The following ZNF311 variants were observed in gnomAD, a reference collection of about 807,000 sequenced individuals.
ZNF311 encodes zinc finger protein zfp31.
Under a neutral mutation model 22.7 loss-of-function variants are expected in ZNF311, and 14 were observed. That is an observed-to-expected ratio of 0.62 (90% confidence interval 0.41 to 0.96). ZNF311 has a LOEUF of 0.96. Ranked by LOEUF, ZNF311 falls within the 40% of genes least tolerant of loss-of-function variation. The probability of loss-of-function intolerance (pLI) is 0.00; values close to 1 mark genes in which losing one functional copy is unlikely to be tolerated. For missense variants in ZNF311, 731 were observed against 799.0 expected (o/e 0.91, Z 1.03); for synonymous variants, 250 against 275.3 (o/e 0.91, Z 0.91).
chr6:29,003,490 C>T (rs771206379), intron 3 of ZNF311, 23 bp downstream of exon 3: 1 of 1,612,006 alleles, frequency 6.2e-7, no homozygotes, highest in South Asian at 1.1e-5. Flanking sequence ...GTGACTCCTG[C>T]CACAATCTCC....
rs1377255427 is a variant in ZNF311 at position 28,995,784 on chromosome 6, T to C, written c.1218A>G (p.Ile406Met). 1 of 1,613,914 alleles carries C rather than the reference T, an allele frequency of 6.2e-7. No individual in the cohort carries two copies. Among genetic ancestry groups the C allele is most frequent in the Admixed American group, 1.7e-5 (1 of 60,010 alleles). ...AAGGTCGTTCCCCAGTGTGGATTCT[T>C]ATGTGTTTGGTGAGGTCTGAACTCC... ...FSGSSDLTKHIRIHTGERPYE... is the reference protein window; with the variant it reads ...FSGSSDLTKHMRIHTGERPYE... Residue 406 changes from isoleucine to methionine, a missense_variant, in exon 7 of 7, where the codon ATA (isoleucine) becomes ATG (methionine). By Grantham distance (10) the Ile-to-Met change is conservative. Transcript: ENST00000377179. The surrounding 1 kb of genome is among the most constrained non-coding windows in gnomAD (Gnocchi z 4.7).
chr6:29,002,270 A>G (rs1395205316), intron 3 of ZNF311, among the ~76,000 whole-genome samples: 1 of 152,246 alleles, frequency 6.6e-6, no homozygotes, highest in East Asian at 1.9e-4. Context: ...AAAATCCACC[A>G]CAGCAGATTT....
chr6:28,995,061 T>C lies in ZNF311; in HGVS notation c.1941A>G (p.Lys647=), dbSNP rs1044042743. The change falls in exon 7 of 7, where the codon AAA becomes AAG. Residue 647 remains lysine, a synonymous_variant. Coordinates refer to ENST00000377179, the MANE Select transcript of ZNF311 (RefSeq NM_001382360.1). The surrounding 1 kb of genome is among the most constrained non-coding windows in gnomAD (Gnocchi z 4.7). The stretch of plus-strand genomic sequence containing the variant: ...GAGAAACAGTCACTGGAGAGAGGGA[T>C]TTCCTACTCCCATCAAGTTCATGGG... The part of the protein sequence containing the change: ...WSTHELDGSR[K]SLSPVTVSQT... The C allele has an allele frequency of 2.5e-6, 4 of 1,613,362 alleles. No homozygotes were observed. The highest frequency in any genetic ancestry group is 3.4e-6 in the Non-Finnish European group (4 of 1,180,036).
At position 28,995,274 on chromosome 6, in the gene ZNF311, G is replaced by T. The variant is rs767427736; in HGVS notation, c.1728C>A (p.Ile576=). 1 of 1,614,082 alleles carries T rather than the reference G, an allele frequency of 6.2e-7. No homozygotes were observed. The highest frequency in any genetic ancestry group is 1.7e-5 in the Admixed American group (1 of 60,026). The part of the protein sequence containing the change: ...HSSVLRQHKR[I]HTGEKPYTCS... ...AGGTGTATGGCTTCTCACCAGTGTGGATTCTTTTGTGCTGCCTCAGGACTG... is the reference window on the plus strand; with the variant it reads ...AGGTGTATGGCTTCTCACCAGTGTGTATTCTTTTGTGCTGCCTCAGGACTG... Residue 576 remains isoleucine, a synonymous_variant, in exon 7 of 7, where the codon ATC becomes ATA. Transcript: ENST00000377179. This position sits in a 1 kb window ranked among gnomAD's most constrained non-coding sequence, Gnocchi z 4.7.
Position 29,003,553 on chromosome 6 carries a change from C to A in ZNF311, c.51G>T (p.Leu17=). The A allele has an allele frequency of 6.2e-7, 1 of 1,613,010 alleles. No homozygotes were observed. Among genetic ancestry groups the A allele is most frequent in the South Asian group, 1.1e-5 (1 of 91,082 alleles). ...LDESSGPPSQ[L]LWTRQDTQLP... The stretch of plus-strand genomic sequence containing the variant: ...GCTGGGTATCCTGGCGGGTCCAAAG[C>A]AGCTGGCTTGGTGGTCCTGAACTCT... The change falls in exon 3 of 7, where the codon CTG becomes CTT. Residue 17 remains leucine (L), a synonymous_variant. Coordinates refer to ENST00000377179, the MANE Select transcript of ZNF311 (RefSeq NM_001382360.1).
At position 28,995,350 on chromosome 6, in the gene ZNF311, C is replaced by G; in HGVS notation, c.1652G>C (p.Gly551Ala). The change falls in exon 7 of 7, where the codon GGA becomes GCA. Residue 551 changes from glycine (G) to alanine (A), a missense_variant. By Grantham distance (60) the Gly-to-Ala change is moderately conservative. Transcript: ENST00000377179. The surrounding 1 kb of genome is among the most constrained non-coding windows in gnomAD (Gnocchi z 4.7). ...NLTNHRRIHT[G>A]EKPHKCEVCG... ...TACCTCACATTTGTGAGGCTTCTCT[C>G]CAGTGTGAATTCTTCGATGATTGGT... 5 of 1,614,040 alleles carry G rather than the reference C, an allele frequency of 3.1e-6. No individual in the cohort carries two copies. Among genetic ancestry groups the G allele is most frequent in the Non-Finnish European group, 3.4e-6 (4 of 1,180,028 alleles).
chr6:29,003,825 G>A, intron 2 of ZNF311, 121 bp downstream of exon 2: 2 of 1,601,960 alleles, frequency 1.2e-6, no homozygotes. Flanking sequence ...GTATCTAGGA[G>A]GAGACACCTC....
Position 28,999,846 on chromosome 6 carries a change from G to A in ZNF311, c.183+110C>T, listed in dbSNP as rs147090974. 434 of 1,299,272 alleles carry A rather than the reference G, an allele frequency of 3.3e-4. 1 individual carries two copies. Among genetic ancestry groups the A allele is most frequent in the Admixed American group, 9.8e-4 (47 of 47,992 alleles). 80.5% of individuals were successfully genotyped at this position (1,299,272 alleles called of 1,614,324 possible). On this transcript the variant is annotated intron_variant, in intron 4 of 6. Coordinates refer to ENST00000377179, the MANE Select transcript of ZNF311 (RefSeq NM_001382360.1). ...ATGCAACAAAATGTTCCTTATGAGA[G>A]GGAGAACATTGATTTAGGAGTTGCA... is the stretch of plus-strand genomic sequence containing the variant.
intron 4 of ZNF311, 36 bp from the exon 5 acceptor site, chr6:28,999,649 G>C (rs190236263): frequency 1.3e-6 from 2 of 1,595,100 alleles, no homozygotes; most frequent in African/African-American, 1.4e-5. Flanking sequence ...TGGAGAAAAC[G>C]CCATAGTTTC....
chr6:29,003,842 T>C, intron 2 of ZNF311, 104 bp downstream of exon 2: 1 of 1,610,358 alleles, frequency 6.2e-7, no homozygotes, highest in Non-Finnish European at 8.5e-7. Context: ...CCTCCAACAG[T>C]ATCTAGAGTC....
chr6:28,998,959 T>C, intron 5 of ZNF311, 121 bp from the exon 6 acceptor site: 1 of 638,084 alleles, frequency 1.6e-6, no homozygotes, highest in South Asian at 2.5e-5. Context: ...TTAATTTAGA[T>C]AGAGAAAAGG....
At position 28,995,355 on chromosome 6, in the gene ZNF311, G is replaced by A. The variant is rs754584476; in HGVS notation, c.1647C>T (p.His549=). ...CACATTTGTGAGGCTTCTCTCCAGT[G>A]TGAATTCTTCGATGATTGGTCAAGT... ...KSNLTNHRRI[H]TGEKPHKCEV... Residue 549 remains histidine (H), a synonymous_variant, in exon 7 of 7, where the codon CAC becomes CAT. Transcript: ENST00000377179. This position sits in a 1 kb window ranked among gnomAD's most constrained non-coding sequence, Gnocchi z 4.7. The A allele has an allele frequency of 6.2e-7, 1 of 1,614,066 alleles. No individual in the cohort carries two copies. The highest frequency in any genetic ancestry group is 1.7e-5 in the Admixed American group (1 of 60,022).
chr6:28,999,872 C>G, intron 4 of ZNF311, 84 bp downstream of exon 4: 1 of 1,434,394 alleles, frequency 7.0e-7, no homozygotes, highest in Non-Finnish European at 9.6e-7. Context: ...AGGAGTTGCA[C>G]AGCCAGAGAA....
At chr6:29,000,998 C>G (rs1052223822) in intron 3 of ZNF311, among the ~76,000 whole-genome samples, 2 of 151,900 alleles carry the variant, frequency 1.3e-5, no homozygotes, top group African/African-American at 2.4e-5. Context: ...GGATGGTCTC[C>G]ATCTCCTGAC....
At position 28,996,031 on chromosome 6, in the gene ZNF311, G is replaced by C. The variant is rs1254032000; in HGVS notation, c.971C>G (p.Thr324Ser). 1.2e-6 allele frequency: 2 copies of C among 1,613,340 alleles called. No homozygotes were observed. Among genetic ancestry groups the C allele is most frequent in the Non-Finnish European group, 1.7e-6 (2 of 1,180,018 alleles). Reference protein sequence around the residue: ...SRSALCRHKKTHSGEKPHECR... With the variant: ...SRSALCRHKKSHSGEKPHECR... ...CTCGTGAGGCTTCTCCCCACTGTGG[G>C]TTTTTTTATGTCGGCAAAGAGCTGA... The change falls in exon 7 of 7, where the codon ACC becomes AGC. Residue 324 changes from threonine to serine, a missense_variant. Physicochemically the swap from Thr to Ser is moderately conservative, Grantham distance 58. Transcript: ENST00000377179.
intron 2 of ZNF311, 124 bp downstream of exon 2, chr6:29,003,821 AG>A (rs1245695883): frequency 1.3e-6 from 2 of 1,595,552 alleles, no homozygotes; most frequent in Non-Finnish European, 1.7e-6. Flanking sequence ...AACAGTATCT[AG>A]GAGGAGACAC....
chr6:29,003,391 T>C, intron 3 of ZNF311, 122 bp downstream of exon 3: 2 of 804,940 alleles, frequency 2.5e-6, no homozygotes, highest in Non-Finnish European at 4.2e-6. Flanking sequence ...AAATAAGACT[T>C]TCTATAAATG....
At position 28,995,435 on chromosome 6, in the gene ZNF311, C is replaced by T. The variant is rs767026440; in HGVS notation, c.1567G>A (p.Gly523Arg). ...CLTIHQRIHT[G>R]EKPYKCLECG... ...TCTAAACATTTGTAAGGTTTCTCTC[C>T]AGTGTGGATTCTCTGATGGATGGTA... The change falls in exon 7 of 7, where the codon GGA becomes AGA. Residue 523 changes from glycine to arginine, a missense_variant. By Grantham distance (125) the Gly-to-Arg change is moderately radical (BLOSUM62 -2). Coordinates refer to ENST00000377179, the MANE Select transcript of ZNF311 (RefSeq NM_001382360.1). The surrounding 1 kb of genome is among the most constrained non-coding windows in gnomAD (Gnocchi z 4.7). The T allele has an allele frequency of 1.2e-6, 2 of 1,613,288 alleles. No individual in the cohort carries two copies. Among genetic ancestry groups the T allele is most frequent in the Admixed American group, 1.7e-5 (1 of 59,886 alleles).
In ZNF311 at chr6:28,999,622, A is replaced by T. The variant is rs2150692778; in HGVS notation, c.184-9T>A. 1 of 1,609,694 alleles carries T rather than the reference A, an allele frequency of 6.2e-7. No individual in the cohort carries two copies. The highest frequency in any genetic ancestry group is 1.1e-5 in the South Asian group (1 of 89,810). On this transcript the variant is annotated splice_polypyrimidine_tract_variant and intron_variant, in intron 4 of 6. Coordinates refer to ENST00000377179, the MANE Select transcript of ZNF311 (RefSeq NM_001382360.1). ...TCAAATGTCACTGACTCCTGAAATA[A>T]TATGCTCCTGCTATCCTGGAGAAAA...
Sources: gnomAD v4.1 joint callset for allele counts (sites outside exome capture counted in the v4.1 genomes callset) on GRCh38, gnomAD v4.1.1 for gene constraint, Gnocchi (gnomAD v3.1) non-coding constraint, MANE v1.5 for transcripts, NCBI Gene and HGNC (gene_info 2026-07-23, HGNC 2026-07-21) for gene names.